Variants in WDR70 observed in about 807,000 individuals in gnomAD.
The protein encoded by WDR70 is WD repeat-containing protein 70.
Under a neutral mutation model 88.6 loss-of-function variants are expected in WDR70, and 53 were observed. That is an observed-to-expected ratio of 0.60 (90% CI 0.48 to 0.75). The LOEUF is 0.75. WDR70 is among the 30% of genes least tolerant of loss of function. The pLI is 0.00. For missense variants in WDR70, 610 were observed against 823.2 expected (o/e 0.74, Z 3.17); for synonymous variants, 280 against 270.0 (o/e 1.04, Z -0.36).
chr5:37,475,975 A>G lies in WDR70; in HGVS notation c.687-3859A>G, dbSNP rs192561817. Among the ~76,000 whole-genome samples, 72 of 150,744 alleles carry G rather than the reference A, an allele frequency of 4.8e-4. 1 individual carries two copies. Among genetic ancestry groups the G allele is most frequent in the African/African-American group, 1.6e-3 (66 of 41,010 alleles). On this transcript the variant is annotated intron_variant, in intron 7 of 17. Coordinates refer to ENST00000265107, the MANE Select transcript of WDR70 (RefSeq NM_018034.4). The stretch of plus-strand genomic sequence containing the variant: ...ATTCTCCTGCCTCAGCCTCCTGAGT[A>G]GCTGGAATTAAAGGCATGCACCACC...
At chr5:37,602,909 G>A (rs1196805631) in intron 9 of WDR70, among the ~76,000 whole-genome samples, 2 of 152,098 alleles carry the variant, frequency 1.3e-5, no homozygotes, top group South Asian at 4.1e-4. Flanking sequence ...TCCAGCAGGT[G>A]GAGGTTGCAG....
chr5:37,478,072 A>G (rs1739540982), intron 7 of WDR70, among the ~76,000 whole-genome samples: 1 of 152,206 alleles, frequency 6.6e-6, no homozygotes, highest in Non-Finnish European at 1.5e-5. Context: ...ACTGCATACC[A>G]CTTATCTGAT....
At chr5:37,715,337 C>CA (rs138965709) in intron 13 of WDR70, among the ~76,000 whole-genome samples, 3,737 of 112,878 alleles carry the variant, frequency 0.033, 143 homozygotes, top group African/African-American at 0.11. Flanking sequence ...AGATTTCTGG[C>CA]AAAAAAAAAA....
In WDR70 at chr5:37,701,234, G is replaced by A; in HGVS notation, c.1277+92G>A. On this transcript the variant is annotated intron_variant, in intron 12 of 17. Transcript: ENST00000265107. Reference sequence around the variant, plus strand: ...GTTAATTTATATCATACGTCTTTTAGATCTTCTGGAAAAGAGACTTGAGAG... The same window carrying A: ...GTTAATTTATATCATACGTCTTTTAAATCTTCTGGAAAAGAGACTTGAGAG... The A allele has an allele frequency of 3.8e-6, 3 of 793,726 alleles. 1 individual carries two copies. The highest frequency in any genetic ancestry group is 6.0e-6 in the Non-Finnish European group (3 of 500,154). 49.2% of individuals were successfully genotyped at this position (793,726 alleles called of 1,614,324 possible). A position where few individuals can be genotyped will look rare whatever the true frequency, so the allele number is the denominator to read the frequency against.
intron 17 of WDR70, among the ~76,000 whole-genome samples, chr5:37,745,368 G>A (rs942800542): frequency 1.3e-5 from 2 of 150,374 alleles, no homozygotes; most frequent in Admixed American, 1.3e-4. Flanking sequence ...ACTGCATCTA[G>A]TGTGCAAAGT....
At chr5:37,708,098 G>A (rs1049388620) in intron 13 of WDR70, among the ~76,000 whole-genome samples, 1 of 148,298 alleles carries the variant, frequency 6.7e-6, no homozygotes, top group Non-Finnish European at 1.5e-5. Flanking sequence ...GATTTTCTTT[G>A]GGACGTTTTT....
At chr5:37,710,610 T>G (rs1747484411) in intron 13 of WDR70, among the ~76,000 whole-genome samples, 1 of 152,062 alleles carries the variant, frequency 6.6e-6, no homozygotes, top group Non-Finnish European at 1.5e-5. Flanking sequence ...ATAAGTAACA[T>G]TTTAATGCAA....
intron 8 of WDR70, among the ~76,000 whole-genome samples, chr5:37,514,503 C>T (rs1581353851): frequency 2.0e-5 from 3 of 150,562 alleles, no homozygotes; most frequent in Admixed American, 2.0e-4. Context: ...AGGTATTAAC[C>T]CCAGCATCCA....
chr5:37,525,950 G>A (rs1741255876), intron 9 of WDR70, among the ~76,000 whole-genome samples: 1 of 152,132 alleles, frequency 6.6e-6, no homozygotes, highest in Non-Finnish European at 1.5e-5. Context: ...TTGAATCCAC[G>A]AATAGAGCAA....
intron 9 of WDR70, among the ~76,000 whole-genome samples, chr5:37,521,613 T>C (rs1184150553): frequency 6.6e-6 from 1 of 152,108 alleles, no homozygotes; most frequent in Non-Finnish European, 1.5e-5. Flanking sequence ...CCTGAGTTAC[T>C]TCACTTAGAA....
chr5:37,732,574 C>T (rs1247802804), intron 17 of WDR70, among the ~76,000 whole-genome samples: 2 of 151,938 alleles, frequency 1.3e-5, no homozygotes, highest in African/African-American at 4.8e-5. Context: ...GTGGTTTTCA[C>T]CTGCATTTTT....
In WDR70 at chr5:37,655,244, C is replaced by G. The variant is rs185277882; in HGVS notation, c.1093-42411C>G. ...GTTATGAAATTCTGGGTTGGAAATTCTTTAAGAATGTTGAATATTGGCCCC... is the reference window on the plus strand; with the variant it reads ...GTTATGAAATTCTGGGTTGGAAATTGTTTAAGAATGTTGAATATTGGCCCC... On this transcript the variant is annotated intron_variant, in intron 10 of 17. Coordinates refer to ENST00000265107, the MANE Select transcript of WDR70 (RefSeq NM_018034.4). Among the ~76,000 whole-genome samples, 9 of 152,250 alleles carry G rather than the reference C, an allele frequency of 5.9e-5. No homozygotes were observed. The East Asian group carries it at 7.7e-4, about 13-fold the overall frequency.
At chr5:37,744,394 C>T (rs1748581020) in intron 17 of WDR70, among the ~76,000 whole-genome samples, 1 of 152,044 alleles carries the variant, frequency 6.6e-6, no homozygotes, top group Non-Finnish European at 1.5e-5. Flanking sequence ...TGCATCGTCT[C>T]TCCATTAAGG....
chr5:37,724,781 G>T lies in WDR70; in HGVS notation c.1598-153G>T. 10 of 731,250 alleles carry T rather than the reference G, an allele frequency of 1.4e-5. No individual in the cohort carries two copies. The South Asian group carries it at 1.6e-4, about 12-fold the overall frequency. The allele number at this position is 731,250 out of a possible 1,614,324, so 45.3% of individuals were successfully genotyped here. On this transcript the variant is annotated intron_variant, in intron 15 of 17. Transcript: ENST00000265107. Reference sequence around the variant, plus strand: ...AGTGAGTCTGGTCTCAAGCAAAATTGGCTAATTGGTTACAGTAAGACTGTC... The same window carrying T: ...AGTGAGTCTGGTCTCAAGCAAAATTTGCTAATTGGTTACAGTAAGACTGTC...
intron 9 of WDR70, among the ~76,000 whole-genome samples, chr5:37,604,662 A>G (rs976062728): frequency 3.3e-5 from 5 of 152,206 alleles, no homozygotes; most frequent in African/African-American, 1.2e-4. Context: ...TTTCTGGTGT[A>G]TGTTAAAAAC....
chr5:37,534,080 G>A (rs1741581745), intron 9 of WDR70, among the ~76,000 whole-genome samples: 1 of 152,084 alleles, frequency 6.6e-6, no homozygotes, highest in African/African-American at 2.4e-5. Flanking sequence ...TGCTATCCAG[G>A]GCTGCAAGAC....
chr5:37,637,231 A>G (rs1267585095), intron 10 of WDR70, among the ~76,000 whole-genome samples: 1 of 151,990 alleles, frequency 6.6e-6, no homozygotes, highest in South Asian at 2.1e-4. Context: ...AATCCCAGCT[A>G]CTGGGAGGCT....
intron 7 of WDR70, among the ~76,000 whole-genome samples, chr5:37,467,316 T>C (rs62361480): frequency 2.0e-5 from 3 of 152,060 alleles, no homozygotes; most frequent in Non-Finnish European, 4.4e-5. Flanking sequence ...TGGCAAATTA[T>C]GTTTCTTAAA....
chr5:37,449,367 A>T (rs1434236169), intron 7 of WDR70, among the ~76,000 whole-genome samples: 1 of 152,034 alleles, frequency 6.6e-6, no homozygotes, highest in Admixed American at 6.6e-5. Flanking sequence ...TGAGGCGGGC[A>T]GATCACCTGA....
Sources: gnomAD v4.1 joint callset for allele counts (sites outside exome capture counted in the v4.1 genomes callset) on GRCh38, gnomAD v4.1.1 for gene constraint, MANE v1.5 for transcripts, NCBI Gene and HGNC (gene_info 2026-07-23, HGNC 2026-07-21) for gene names.